The following CFAP20DC variants were observed in gnomAD, a reference collection of about 807,000 sequenced individuals.
The protein encoded by CFAP20DC is protein CFAP20DC.
Under a neutral mutation model 101.7 loss-of-function variants are expected in CFAP20DC, and 84 were observed. That is an observed-to-expected ratio of 0.83 (90% CI 0.69 to 0.99). The LOEUF (loss-of-function observed/expected upper bound fraction) is 0.99. Among genes scored for constraint, CFAP20DC ranks in the 50% least tolerant of loss-of-function variants. The pLI is 0.00. For synonymous variants in CFAP20DC, 359 were observed against 351.2 expected, an observed-to-expected ratio of 1.02 and a Z score of -0.25; for missense variants, 1,007 against 970.3, an observed-to-expected ratio of 1.04 and a Z score of -0.50.
chr3:58,755,880 T>G (rs1172639031), intron 15 of CFAP20DC, among the ~76,000 whole-genome samples: 1 of 152,230 alleles, frequency 6.6e-6, no homozygotes, highest in South Asian at 2.1e-4. Flanking sequence ...TCTGGCCCAC[T>G]GCCTGTTTAT....
At chr3:58,900,782 G>C (rs1049116330) in intron 6 of CFAP20DC, among the ~76,000 whole-genome samples, 1 of 152,190 alleles carries the variant, frequency 6.6e-6, no homozygotes, top group South Asian at 2.1e-4. Flanking sequence ...TTATTGGAAT[G>C]TTTGAGTGAC....
At chr3:58,785,281 G>T (rs1023592628) in intron 15 of CFAP20DC, among the ~76,000 whole-genome samples, 3 of 152,088 alleles carry the variant, frequency 2.0e-5, no homozygotes, top group African/African-American at 7.2e-5. Context: ...GGCTGGGAAG[G>T]CTGTGTGGGT....
intron 15 of CFAP20DC, among the ~76,000 whole-genome samples, chr3:58,775,820 A>G (rs1194421814): frequency 2.1e-5 from 3 of 143,292 alleles, no homozygotes; most frequent in African/African-American, 7.9e-5. Flanking sequence ...ATCTCGTCTC[A>G]CCACAACCTC....
At chr3:58,960,177 C>T (rs1401234066) in intron 4 of CFAP20DC, among the ~76,000 whole-genome samples, 1 of 152,138 alleles carries the variant, frequency 6.6e-6, no homozygotes, top group Non-Finnish European at 1.5e-5. Context: ...GACAGTTTAA[C>T]AAAAGGTTTG....
At chr3:58,746,090 T>A (rs2068177314) in intron 16 of CFAP20DC, among the ~76,000 whole-genome samples, 2 of 152,186 alleles carry the variant, frequency 1.3e-5, no homozygotes, top group Non-Finnish European at 2.9e-5. Context: ...TGATTTTTTT[T>A]ACAACCCCAA....
At chr3:58,986,493 T>C (rs770530268) in intron 4 of CFAP20DC, among the ~76,000 whole-genome samples, 8 of 151,920 alleles carry the variant, frequency 5.3e-5, no homozygotes, top group East Asian at 1.9e-4. Context: ...GTGAAAGGAG[T>C]TCTAGAAACT....
intron 6 of CFAP20DC, among the ~76,000 whole-genome samples, chr3:58,902,666 T>C (rs1313910159): frequency 6.6e-6 from 1 of 152,178 alleles, no homozygotes; most frequent in Non-Finnish European, 1.5e-5. Context: ...TATACAGTCA[T>C]CCCTTGGTAT....
At chr3:58,900,139 T>C (rs1362852290) in intron 6 of CFAP20DC, among the ~76,000 whole-genome samples, 1 of 152,130 alleles carries the variant, frequency 6.6e-6, no homozygotes, top group Non-Finnish European at 1.5e-5. Context: ...GTGAAAGGAA[T>C]AGATCATCGA....
At chr3:59,041,974 T>C (rs542893788) in intron 3 of CFAP20DC, among the ~76,000 whole-genome samples, 1 of 152,278 alleles carries the variant, frequency 6.6e-6, no homozygotes, top group East Asian at 1.9e-4. Context: ...AAGACATACA[T>C]GCTCTCTGAC....
intron 7 of CFAP20DC, among the ~76,000 whole-genome samples, chr3:58,883,695 G>A (rs1465860454): frequency 6.6e-6 from 1 of 152,118 alleles, no homozygotes; most frequent in Non-Finnish European, 1.5e-5. Context: ...CAGTGTTTGT[G>A]AGTGTCACCT....
Position 58,728,105 on chromosome 3 carries a change from C to G in CFAP20DC, c.198-10477G>C, listed in dbSNP as rs1169788663. 1 of 152,172 alleles carries G rather than the reference C, an allele frequency of 6.6e-6. No homozygotes were observed. Among genetic ancestry groups the G allele is most frequent in the African/African-American group, 2.4e-5 (1 of 41,438 alleles). The allele number at this position is 152,172 out of a possible 1,614,324, so 9.4% of individuals were successfully genotyped here. ...AATCTTTGTGGACAGAATGAGCGAC[C>G]ATAGCATGGTATTGCATTTTGGTGA... On this transcript the variant is annotated intron_variant, in intron 3 of 3. Coordinates refer to the CFAP20DC transcript ENST00000486145. The surrounding 1 kb of genome is among the most constrained non-coding windows in gnomAD (Gnocchi z 4.7).
At chr3:58,979,931 G>T (rs1204302801) in intron 4 of CFAP20DC, among the ~76,000 whole-genome samples, 1 of 151,776 alleles carries the variant, frequency 6.6e-6, no homozygotes, top group African/African-American at 2.4e-5. Flanking sequence ...AAGTTCCAGT[G>T]TCAAATGATT....
chr3:59,030,268 C>G (rs925090223), intron 4 of CFAP20DC, among the ~76,000 whole-genome samples: 3 of 152,180 alleles, frequency 2.0e-5, no homozygotes, highest in Admixed American at 2.0e-4. Flanking sequence ...AAAGCCCTTT[C>G]ATTTAAGGGG....
chr3:58,770,846 G>T (rs1373618617), intron 15 of CFAP20DC, among the ~76,000 whole-genome samples: 1 of 152,216 alleles, frequency 6.6e-6, no homozygotes, highest in Admixed American at 6.5e-5. Flanking sequence ...AGGAAGGTCA[G>T]TTAGGTGCTT....
chr3:58,872,316 C>T (rs969231397), intron 7 of CFAP20DC, among the ~76,000 whole-genome samples: 2 of 152,006 alleles, frequency 1.3e-5, no homozygotes, highest in Non-Finnish European at 2.9e-5. Flanking sequence ...GTCTCATTAG[C>T]CTCTGCTGTA....
At chr3:58,745,188 T>G (rs1575533525) in intron 16 of CFAP20DC, among the ~76,000 whole-genome samples, 1 of 152,158 alleles carries the variant, frequency 6.6e-6, no homozygotes, top group Admixed American at 6.6e-5. Context: ...ATGACCCCCT[T>G]TAGATCACTT....
intron 15 of CFAP20DC, among the ~76,000 whole-genome samples, chr3:58,782,145 C>T (rs553242524): frequency 5.5e-4 from 83 of 152,040 alleles, no homozygotes; most frequent in African/African-American, 1.8e-3. Flanking sequence ...TGTGATACAT[C>T]GCATTAACAG....
chr3:58,984,059 A>C (rs1319777601), intron 4 of CFAP20DC, among the ~76,000 whole-genome samples: 1 of 152,222 alleles, frequency 6.6e-6, no homozygotes, highest in Non-Finnish European at 1.5e-5. Context: ...TTTGCCTGTC[A>C]TTAATGTTTA....
intron 14 of CFAP20DC, among the ~76,000 whole-genome samples, chr3:58,816,483 C>T (rs370680270): frequency 8.9e-4 from 135 of 152,268 alleles, no homozygotes; most frequent in African/African-American, 2.8e-3. Flanking sequence ...ACCTGGGAAG[C>T]GCAAGGGGTC....
Sources: allele counts gnomAD v4.1 joint callset (sites outside exome capture counted in the v4.1 genomes callset), GRCh38; gene constraint gnomAD v4.1.1; non-coding constraint Gnocchi (gnomAD v3.1); transcripts MANE v1.5; gene names NCBI Gene and HGNC (gene_info 2026-07-23, HGNC 2026-07-21).